The following TMTC2 variants were observed in gnomAD, a reference collection of about 807,000 sequenced individuals.
TMTC2 encodes the protein protein O-mannosyl-transferase TMTC2.
Under a neutral mutation model 82.4 loss-of-function variants are expected in TMTC2, and 43 were observed. The observed-to-expected ratio is 0.52, with a 90% CI of 0.41 to 0.67. TMTC2 has a LOEUF of 0.67. TMTC2 is among the 30% of genes least tolerant of loss of function. The pLI is 0.00. For missense variants in TMTC2, 919 were observed against 1,012.4 expected, an observed-to-expected ratio of 0.91 and a Z score of 1.25; for synonymous variants, 408 against 381.9, an observed-to-expected ratio of 1.07 and a Z score of -0.80.
intron 11 of TMTC2, among the ~76,000 whole-genome samples, chr12:83,086,698 C>CATAAAAAAATAGATGACTGT (rs1883672574): frequency 6.6e-6 from 1 of 152,076 alleles, no homozygotes; most frequent in Admixed American, 6.5e-5. Flanking sequence ...AAACATAAAA[C>CATAAAAAAATAGATGACTGT]ATGTTTATAC....
intron 11 of TMTC2, among the ~76,000 whole-genome samples, chr12:83,128,440 C>G: frequency 6.6e-6 from 1 of 151,572 alleles, no homozygotes; most frequent in East Asian, 1.9e-4. Flanking sequence ...CATTTCCTAA[C>G]TTAAATAATT....
chr12:83,131,256 A>C (rs1391814834), intron 11 of TMTC2, among the ~76,000 whole-genome samples: 2 of 152,238 alleles, frequency 1.3e-5, no homozygotes, highest in Admixed American at 1.3e-4. Flanking sequence ...TTCCAGGGAC[A>C]GGAGCAGAAC....
At chr12:82,937,964 G>A (rs1368259803) in intron 4 of TMTC2, among the ~76,000 whole-genome samples, 2 of 147,720 alleles carry the variant, frequency 1.4e-5, no homozygotes, top group Non-Finnish European at 3.0e-5. Flanking sequence ...GCCCAGGGTG[G>A]AGTGCAGTGG....
chr12:83,009,337 AC>A (rs1191064939), intron 8 of TMTC2, among the ~76,000 whole-genome samples: 2 of 151,992 alleles, frequency 1.3e-5, no homozygotes, highest in Non-Finnish European at 2.9e-5. Flanking sequence ...ACCCCCTAAG[AC>A]TGTGGTCCTC....
At chr12:83,121,649 G>A (rs941841653) in intron 11 of TMTC2, among the ~76,000 whole-genome samples, 5 of 152,078 alleles carry the variant, frequency 3.3e-5, no homozygotes, top group East Asian at 1.9e-4. Flanking sequence ...GGGATGTGGC[G>A]CTTCCCAGAG....
chr12:82,868,775 A>G (rs1008866597), intron 2 of TMTC2, among the ~76,000 whole-genome samples: 4 of 151,342 alleles, frequency 2.6e-5, no homozygotes, highest in Non-Finnish European at 5.9e-5. Flanking sequence ...CTGGCAGGCA[A>G]TGTTGTTGCA....
intron 10 of TMTC2, among the ~76,000 whole-genome samples, chr12:83,055,235 GA>G (rs1882495435): frequency 6.6e-6 from 1 of 152,018 alleles, no homozygotes; most frequent in Non-Finnish European, 1.5e-5. Flanking sequence ...TGTGCTAAAC[GA>G]AAGTTAGAAG....
chr12:83,024,619 G>A (rs1475843456), intron 8 of TMTC2, among the ~76,000 whole-genome samples: 1 of 152,164 alleles, frequency 6.6e-6, no homozygotes, highest in African/African-American at 2.4e-5. Context: ...ATAAAGAGTA[G>A]GGCCACTGAA....
At chr12:83,116,331 C>T (rs1254823254) in intron 11 of TMTC2, among the ~76,000 whole-genome samples, 2 of 152,136 alleles carry the variant, frequency 1.3e-5, no homozygotes, top group Non-Finnish European at 2.9e-5. Context: ...TTTATCCACT[C>T]GTTGATTGAT....
intron 7 of TMTC2, among the ~76,000 whole-genome samples, chr12:82,985,647 T>C (rs1879122244): frequency 6.6e-6 from 1 of 152,130 alleles, no homozygotes; most frequent in Non-Finnish European, 1.5e-5. Flanking sequence ...AGGACATATG[T>C]CTGGGAATCA....
chr12:82,707,820 G>A (rs981513470), intron 1 of TMTC2, among the ~76,000 whole-genome samples: 2 of 152,200 alleles, frequency 1.3e-5, no homozygotes, highest in African/African-American at 4.8e-5. Context: ...TGAAACCTAT[G>A]AAGTCCTCTT....
intron 9 of TMTC2, among the ~76,000 whole-genome samples, chr12:83,041,729 G>T (rs1881902944): frequency 6.6e-6 from 1 of 152,064 alleles, no homozygotes; most frequent in Non-Finnish European, 1.5e-5. Context: ...AGTAGACATT[G>T]TGCTCAACAG....
At chr12:83,053,506 G>A (rs1278674779) in intron 10 of TMTC2, among the ~76,000 whole-genome samples, 1 of 152,014 alleles carries the variant, frequency 6.6e-6, no homozygotes, top group Non-Finnish European at 1.5e-5. Context: ...TATAAATGGG[G>A]GGAGGGGGAG....
chr12:82,812,905 A>G (rs2137051670), intron 1 of TMTC2, among the ~76,000 whole-genome samples: 1 of 152,218 alleles, frequency 6.6e-6, no homozygotes. Context: ...CTATCCCTAT[A>G]ATAGCAACTT....
intron 7 of TMTC2, among the ~76,000 whole-genome samples, chr12:82,972,414 A>G (rs900392958): frequency 2.6e-5 from 4 of 152,132 alleles, no homozygotes; most frequent in Non-Finnish European, 5.9e-5. Flanking sequence ...GTTTTTTCCC[A>G]TATCTTCAAT....
At chr12:82,701,854 G>T (rs886487909) in intron 1 of TMTC2, among the ~76,000 whole-genome samples, 3 of 151,554 alleles carry the variant, frequency 2.0e-5, no homozygotes, top group Non-Finnish European at 4.4e-5. Context: ...CCTGTATAAA[G>T]AAAATATGTA....
chr12:83,031,591 G>T (rs1432873506), intron 9 of TMTC2, among the ~76,000 whole-genome samples: 1 of 152,190 alleles, frequency 6.6e-6, no homozygotes, highest in Non-Finnish European at 1.5e-5. Flanking sequence ...TACTTTGGCT[G>T]ATCCCTTGGG....
intron 4 of TMTC2, among the ~76,000 whole-genome samples, chr12:82,959,428 A>G (rs1031954628): frequency 6.6e-6 from 1 of 152,162 alleles, no homozygotes; most frequent in Non-Finnish European, 1.5e-5. Context: ...AAACTCTACT[A>G]TAAGGCTGCC....
intron 7 of TMTC2, among the ~76,000 whole-genome samples, chr12:82,981,666 T>A (rs1407223824): frequency 6.6e-6 from 1 of 151,948 alleles, no homozygotes. Context: ...TTTCTATTAT[T>A]GTAAGTTAAG....
Sources: gnomAD v4.1 joint callset for allele counts (sites outside exome capture counted in the v4.1 genomes callset) on GRCh38, gnomAD v4.1.1 for gene constraint, MANE v1.5 for transcripts, NCBI Gene and HGNC (gene_info 2026-07-23, HGNC 2026-07-21) for gene names.